Variants in COG3 observed in about 807,000 individuals in gnomAD.
The protein encoded by COG3 is conserved oligomeric Golgi complex subunit 3.
Under a neutral mutation model 114.1 loss-of-function variants are expected in COG3, and 32 were observed. That is an observed-to-expected ratio of 0.28 (90% CI 0.21 to 0.38). COG3 has a LOEUF of 0.38. Among genes scored for constraint, COG3 ranks in the 10% least tolerant of loss-of-function variants. The pLI is 1.00. For missense variants in COG3, 813 were observed against 973.2 expected, an observed-to-expected ratio of 0.84 and a Z score of 2.19; for synonymous variants, 352 against 365.7, an observed-to-expected ratio of 0.96 and a Z score of 0.43.
At chr13:45,500,017 TAA>T (rs71999241) in intron 13 of COG3, among the ~76,000 whole-genome samples, 21,778 of 147,766 alleles carry the variant, frequency 0.15, 2,747 homozygotes, top group African/African-American at 0.33. Flanking sequence ...GACACTGCCT[TAA>T]AAAAAAATAT....
chr13:45,480,482 T>C (rs1886182150), intron 4 of COG3, among the ~76,000 whole-genome samples, 192 bp downstream of exon 4: 1 of 152,242 alleles, frequency 6.6e-6, no homozygotes, highest in South Asian at 2.1e-4. Context: ...AAGGCAAGCC[T>C]TCTTATGTTT....
intron 1 of COG3, among the ~76,000 whole-genome samples, chr13:45,470,414 G>A (rs1463514521): frequency 6.6e-6 from 1 of 152,224 alleles, no homozygotes; most frequent in Non-Finnish European, 1.5e-5. Flanking sequence ...TATTATAAAT[G>A]ATTCTGGGAC....
intron 11 of COG3, 42 bp downstream of exon 11, chr13:45,492,292 C>A (rs773242504): frequency 8.7e-7 from 1 of 1,153,384 alleles, no homozygotes; most frequent in East Asian, 2.5e-5. Flanking sequence ...TAAAATTTAA[C>A]TTGCTAATGA....
intron 17 of COG3, among the ~76,000 whole-genome samples, chr13:45,517,927 T>C (rs923889421): frequency 6.6e-6 from 1 of 152,222 alleles, no homozygotes; most frequent in African/African-American, 2.4e-5. Context: ...TTACAAAGCC[T>C]GTGTAACTCT....
At chr13:45,532,791 G>T (rs3014897) in intron 22 of COG3, among the ~76,000 whole-genome samples, 131,010 of 151,752 alleles carry the variant, frequency 0.86, 56,823 homozygotes, top group African/African-American at 0.93. Flanking sequence ...TCTGCTGACC[G>T]CGTGATCCAC....
intron 14 of COG3, among the ~76,000 whole-genome samples, chr13:45,504,013 A>G (rs1012859135): frequency 2.6e-5 from 4 of 152,122 alleles, no homozygotes; most frequent in African/African-American, 9.7e-5. Flanking sequence ...TGTCCCAAGA[A>G]TCACCCTGGA....
Position 45,535,112 on chromosome 13 carries a change from A to G in COG3, c.*381A>G, listed in dbSNP as rs1873464320. On this transcript the variant is annotated 3_prime_UTR_variant, in exon 23 of 23. Transcript: ENST00000349995. ...AATCAAGCGAATTAGAAGGCCTGTA[A>G]GAGTAAGGTTTGCTAAAACGTGAAA... 9.8e-7 allele frequency: 1 copy of G among 1,017,390 alleles called. No homozygotes were observed. The highest frequency in any genetic ancestry group is 5.8e-5 in the Admixed American group (1 of 17,206). 63.0% of individuals were successfully genotyped at this position (1,017,390 alleles called of 1,614,324 possible). A position where few individuals can be genotyped will look rare whatever the true frequency, so the allele number is the denominator to read the frequency against.
chr13:45,530,054 T>A (rs748196295), intron 21 of COG3, 136 bp downstream of exon 21: 58 of 956,882 alleles, frequency 6.1e-5, no homozygotes, highest in Non-Finnish European at 8.2e-5. Flanking sequence ...ATCACTATGA[T>A]TCATGAAAGG....
intron 3 of COG3, 45 bp from the exon 4 acceptor site, chr13:45,480,080 G>T: frequency 6.6e-7 from 1 of 1,503,914 alleles, no homozygotes; most frequent in East Asian, 2.3e-5. Flanking sequence ...TGTGCTTATT[G>T]GGGGAAAAGA....
intron 7 of COG3, among the ~76,000 whole-genome samples, chr13:45,484,894 T>C (rs1886484463): frequency 6.8e-6 from 1 of 146,010 alleles, no homozygotes; most frequent in African/African-American, 2.6e-5. Context: ...ACAGCACATG[T>C]TTCAGAGAGC....
At chr13:45,518,345 C>A (rs1455417911) in intron 17 of COG3, among the ~76,000 whole-genome samples, 1 of 152,092 alleles carries the variant, frequency 6.6e-6, no homozygotes, top group Non-Finnish European at 1.5e-5. Flanking sequence ...TTGGTGTTTT[C>A]TTCTTGGCTG....
chr13:45,509,705 C>T lies in COG3; in HGVS notation c.1608C>T (p.Ser536=). Residue 536 remains serine (S), a synonymous_variant, in exon 15 of 23, where the codon TCC becomes TCT. Transcript: ENST00000349995. ...CTTGGGTTTTAGGTTCAACAGAATCCCTCAATCCTAGACCACAGACCACAA... is the reference window on the plus strand; with the variant it reads ...CTTGGGTTTTAGGTTCAACAGAATCTCTCAATCCTAGACCACAGACCACAA... ...NSLTKSGSTE[S]LNPRPQTTIS... is the part of the protein sequence containing the mutation. The T allele has an allele frequency of 6.2e-7, 1 of 1,613,630 alleles. No homozygotes were observed. Among genetic ancestry groups the T allele is most frequent in the African/African-American group, 1.3e-5 (1 of 75,012 alleles).
At position 45,534,894 on chromosome 13, in the gene COG3, T is replaced by C. The variant is rs948285381; in HGVS notation, c.*163T>C. 110 of 1,267,980 alleles carry C rather than the reference T, an allele frequency of 8.7e-5. No homozygotes were observed. The Middle Eastern group carries it at 4.1e-3, about 48-fold the overall frequency. 78.5% of individuals were successfully genotyped at this position (1,267,980 alleles called of 1,614,324 possible). A position where few individuals can be genotyped will look rare whatever the true frequency, so the allele number is the denominator to read the frequency against. On this transcript the variant is annotated 3_prime_UTR_variant, in exon 23 of 23. Transcript: ENST00000349995. ...GCAGAATGAAATAGAAGCAAAGTGT[T>C]ACAGGATCAGTGTTTTCTTTTCTAA...
At chr13:45,476,736 A>G (rs1885890663) in intron 2 of COG3, among the ~76,000 whole-genome samples, 1 of 152,076 alleles carries the variant, frequency 6.6e-6, no homozygotes, top group African/African-American at 2.4e-5. Context: ...TTCTTTTTAT[A>G]TTAACATTTG....
chr13:45,486,468 TC>T, intron 7 of COG3, 26 bp from the exon 8 acceptor site: 1 of 1,391,876 alleles, frequency 7.2e-7, no homozygotes, highest in Non-Finnish European at 1.0e-6. Flanking sequence ...TTATCTTCCT[TC>T]CTTATCCTCC....
chr13:45,502,624 A>C (rs1460365165), intron 13 of COG3, among the ~76,000 whole-genome samples: 2 of 151,666 alleles, frequency 1.3e-5, no homozygotes, highest in African/African-American at 2.4e-5. Flanking sequence ...TCTGGCTATT[A>C]ATTTTTTTTT....
At chr13:45,509,306 G>A (rs1235936281) in intron 14 of COG3, among the ~76,000 whole-genome samples, 2 of 152,216 alleles carry the variant, frequency 1.3e-5, no homozygotes, top group Admixed American at 1.3e-4. Context: ...CCAAAGTGCT[G>A]GGGTTACAGG....
intron 20 of COG3, among the ~76,000 whole-genome samples, chr13:45,527,968 T>G (rs984111658): frequency 6.6e-6 from 1 of 152,202 alleles, no homozygotes; most frequent in Non-Finnish European, 1.5e-5. Context: ...TTTGCTGGGC[T>G]GCATTCCCAG....
rs959449244 is a variant in COG3 at position 45,533,213 on chromosome 13, G to A, written c.2458-1489G>A. ...AATCCAAGAGAGACCATTCAACTTA[G>A]TTGTCTATTTTTTTTTTCTCCAGTT... On this transcript the variant is annotated intron_variant, in intron 22 of 22. Coordinates refer to ENST00000349995, the MANE Select transcript of COG3 (RefSeq NM_031431.4). 3.3e-5 allele frequency among the ~76,000 whole-genome samples: 5 copies of A among 151,900 alleles called. No homozygotes were observed. The East Asian group carries it at 9.7e-4, about 29-fold the overall frequency.
Sources: gnomAD v4.1 joint callset for allele counts (sites outside exome capture counted in the v4.1 genomes callset) on GRCh38, gnomAD v4.1.1 for gene constraint, MANE v1.5 for transcripts, NCBI Gene and HGNC (gene_info 2026-07-23, HGNC 2026-07-21) for gene names.